The following ATL1 variants were observed in gnomAD, a reference collection of about 807,000 sequenced individuals.
ATL1 encodes the protein atlastin-1.
A neutral mutation model predicts 75.5 loss-of-function variants in ATL1; 31 were observed. That is an observed-to-expected ratio of 0.41 (90% CI 0.31 to 0.55). The LOEUF (loss-of-function observed/expected upper bound fraction) is 0.55. Ranked by LOEUF, ATL1 falls within the 20% of genes least tolerant of loss-of-function variation. The pLI, the probability that ATL1 is intolerant of heterozygous loss-of-function variation, is 0.27. For missense variants in ATL1, 405 were observed against 662.6 expected (o/e 0.61, Z 4.27); for synonymous variants, 226 against 233.3 (o/e 0.97, Z 0.28).
chr14:50,533,127 GTTC>G (rs1316262381), exon 1 of ATL1: 1 of 152,398 alleles, frequency 6.6e-6, no homozygotes, highest in East Asian at 1.9e-4. Flanking sequence ...CTTCTACTTA[GTTC>G]TTCTGAGACA....
chr14:50,588,024 T>G lies in ATL1; in HGVS notation c.228T>G (p.Phe76Leu). The change falls in exon 2 of 14, where the codon TTT (phenylalanine) becomes TTG (leucine). Residue 76 changes from phenylalanine (F) to leucine (L), a missense_variant. By Grantham distance (22) the Phe-to-Leu change is conservative (BLOSUM62 0). This residue lies in a region of ATL1 where 126 missense variants were observed against 172.0 expected (regional missense o/e 0.73). Transcript: ENST00000358385. ...TTGCTGTATCTGTTGCTGGAGCATT[T>G]AGAAAAGGAAAATCATTCCTGATGG... ...EVVAVSVAGA[F>L]RKGKSFLMDF... The G allele has an allele frequency of 6.2e-7, 1 of 1,614,204 alleles. No homozygotes were observed. Among genetic ancestry groups the G allele is most frequent in the Non-Finnish European group, 8.5e-7 (1 of 1,180,034 alleles).
At chr14:50,619,416 TG>T (rs1456127597) in intron 8 of ATL1, among the ~76,000 whole-genome samples, 1 of 152,110 alleles carries the variant, frequency 6.6e-6, no homozygotes, top group African/African-American at 2.4e-5. Flanking sequence ...TTGGCCAGGC[TG>T]GTCTCAGACT....
chr14:50,539,397 C>T (rs1419307014), intron 1 of ATL1, among the ~76,000 whole-genome samples: 1 of 152,212 alleles, frequency 6.6e-6, no homozygotes, highest in Non-Finnish European at 1.5e-5. Flanking sequence ...AAATACCAGG[C>T]ATGAATAGAA....
chr14:50,540,946 T>C (rs1312952488), intron 1 of ATL1, among the ~76,000 whole-genome samples: 1 of 152,222 alleles, frequency 6.6e-6, no homozygotes, highest in Non-Finnish European at 1.5e-5. Flanking sequence ...GCTTGTGCAA[T>C]AGCCAAATTA....
In ATL1 at chr14:50,596,471, G is replaced by A. The variant is rs533420602; in HGVS notation, c.630+839G>A. On this transcript the variant is annotated intron_variant, in intron 6 of 13. Transcript: ENST00000358385. Reference sequence around the variant, plus strand: ...CAATACAGAAGATGTGAAACCTAGGGCTAACAAGCTTGCTTTATGGTACAT... The same window carrying A: ...CAATACAGAAGATGTGAAACCTAGGACTAACAAGCTTGCTTTATGGTACAT... Among the ~76,000 whole-genome samples the A allele has an allele frequency of 2.6e-5, 4 of 152,264 alleles. No homozygotes were observed. In the South Asian group the frequency reaches 8.3e-4, roughly 32 times the overall value.
intron 1 of ATL1, among the ~76,000 whole-genome samples, chr14:50,571,064 G>A (rs541804748): frequency 1.3e-5 from 2 of 152,230 alleles, no homozygotes; most frequent in East Asian, 1.9e-4. Flanking sequence ...GAAAAATGAA[G>A]GGGTAGTTAA....
intron 1 of ATL1, among the ~76,000 whole-genome samples, chr14:50,576,209 A>G (rs1321159564): frequency 6.6e-6 from 1 of 152,234 alleles, no homozygotes; most frequent in Non-Finnish European, 1.5e-5. Context: ...GTTGTAGGCT[A>G]ACGTGTTTTG....
At chr14:50,620,943 C>A (rs1170930694) in intron 9 of ATL1, among the ~76,000 whole-genome samples, 1 of 152,088 alleles carries the variant, frequency 6.6e-6, no homozygotes, top group African/African-American at 2.4e-5. Context: ...ATATAGGTAA[C>A]ATTATTGTCC....
intron 1 of ATL1, among the ~76,000 whole-genome samples, chr14:50,547,251 T>C (rs1423419439): frequency 6.6e-6 from 1 of 152,206 alleles, no homozygotes; most frequent in Admixed American, 6.5e-5. Context: ...TAAATGCTTA[T>C]AGGTGAACTC....
chr14:50,549,919 T>C (rs949512518), intron 1 of ATL1, among the ~76,000 whole-genome samples: 3 of 152,214 alleles, frequency 2.0e-5, no homozygotes, highest in Non-Finnish European at 2.9e-5. Flanking sequence ...CTGTAAAATA[T>C]GCGCCGCAAA....
chr14:50,588,678 A>G, intron 2 of ATL1, among the ~76,000 whole-genome samples: 1 of 152,084 alleles, frequency 6.6e-6, no homozygotes, highest in Non-Finnish European at 1.5e-5. Flanking sequence ...CACGAGGTCA[A>G]GAGATCAATA....
intron 8 of ATL1, among the ~76,000 whole-genome samples, chr14:50,617,403 T>G (rs2039425652): frequency 6.6e-6 from 1 of 152,184 alleles, no homozygotes; most frequent in African/African-American, 2.4e-5. Flanking sequence ...CTCTGCGTTA[T>G]AGTACCATAT....
intron 1 of ATL1, among the ~76,000 whole-genome samples, chr14:50,581,088 A>T (rs918183063): frequency 7.9e-5 from 12 of 151,368 alleles, no homozygotes; most frequent in Admixed American, 7.9e-4. Flanking sequence ...ATTTTCTTTG[A>T]TCAGTCTTAT....
intron 6 of ATL1, among the ~76,000 whole-genome samples, chr14:50,610,348 T>C (rs2039354247): frequency 6.6e-6 from 1 of 152,058 alleles, no homozygotes; most frequent in Non-Finnish European, 1.5e-5. Context: ...TGAATGATAA[T>C]TGACAAGGTT....
At chr14:50,591,120 C>T in intron 3 of ATL1, 45 bp downstream of exon 3, 1 of 1,581,672 alleles carries the variant, frequency 6.3e-7, no homozygotes, top group Non-Finnish European at 8.7e-7. Context: ...TCACTTATAA[C>T]AGTTACTACT....
intron 2 of ATL1, among the ~76,000 whole-genome samples, chr14:50,589,185 G>A (rs10149092): frequency 0.076 from 9,685 of 126,654 alleles, 490 homozygotes; most frequent in Middle Eastern, 0.15. Flanking sequence ...TTGATACAGA[G>A]TTTCACTCTT....
chr14:50,545,534 G>C (rs950899234), intron 1 of ATL1, among the ~76,000 whole-genome samples: 1 of 152,174 alleles, frequency 6.6e-6, no homozygotes, highest in African/African-American at 2.4e-5. Flanking sequence ...GAAAATTCCA[G>C]TGGGGAGTAA....
intron 4 of ATL1, among the ~76,000 whole-genome samples, chr14:50,592,541 A>AC (rs2039168684): frequency 1.8e-5 from 2 of 110,538 alleles, no homozygotes; most frequent in South Asian, 7.4e-4. Flanking sequence ...AGTAAAAGTC[A>AC]TAAAAAAAAA....
chr14:50,620,829 G>A, intron 9 of ATL1, 103 bp downstream of exon 9: 1 of 1,333,844 alleles, frequency 7.5e-7, no homozygotes, highest in South Asian at 1.3e-5. Flanking sequence ...GGGAGCAAAG[G>A]TACGAGGAAT....
Sources: allele counts gnomAD v4.1 joint callset (sites outside exome capture counted in the v4.1 genomes callset), GRCh38; gene constraint gnomAD v4.1.1; regional missense constraint gnomAD v4.1.1; transcripts MANE v1.5; gene names NCBI Gene and HGNC (gene_info 2026-07-23, HGNC 2026-07-21).